Variants in CSMD1 observed in about 807,000 individuals in gnomAD.
CSMD1 encodes CUB and Sushi multiple domains 1.
A neutral mutation model predicts 417.5 loss-of-function variants in CSMD1; 213 were observed. The ratio of observed to expected loss-of-function variants is 0.51; its 90% CI spans 0.46 to 0.57. The LOEUF (loss-of-function observed/expected upper bound fraction) is 0.57. Among genes scored for constraint, CSMD1 ranks in the 20% least tolerant of loss-of-function variants. CSMD1 has a pLI of 0.00. For synonymous variants in CSMD1, 2,862 were observed against 1,736.8 expected, an observed-to-expected ratio of 1.65 and a Z score of -16.11; for missense variants, 6,923 against 4,529.7, an observed-to-expected ratio of 1.53 and a Z score of -15.17.
chr8:4,320,673 C>CA (rs1247244760), intron 3 of CSMD1, among the ~76,000 whole-genome samples: 1 of 152,114 alleles, frequency 6.6e-6, no homozygotes, highest in Non-Finnish European at 1.5e-5. Context: ...CGATGTCCTG[C>CA]AAAGGACATG....
intron 10 of CSMD1, among the ~76,000 whole-genome samples, chr8:3,507,034 G>T (rs991420945): frequency 1.3e-5 from 2 of 152,004 alleles, no homozygotes; most frequent in African/African-American, 2.4e-5. Flanking sequence ...TTGAACAAAC[G>T]TATATACCAA....
At chr8:4,140,870 G>A (rs917947061) in intron 3 of CSMD1, among the ~76,000 whole-genome samples, 1 of 151,022 alleles carries the variant, frequency 6.6e-6, no homozygotes, top group Admixed American at 6.6e-5. Flanking sequence ...AGGGCATTTG[G>A]GAGATTGCTG....
intron 1 of CSMD1, among the ~76,000 whole-genome samples, chr8:4,757,600 C>T (rs1189240411): frequency 6.6e-6 from 1 of 152,190 alleles, no homozygotes; most frequent in African/African-American, 2.4e-5. Flanking sequence ...GGAGACATAT[C>T]TCTACCAAGT....
At chr8:3,156,434 C>G (rs966969125) in intron 39 of CSMD1, among the ~76,000 whole-genome samples, 6 of 152,136 alleles carry the variant, frequency 3.9e-5, no homozygotes, top group African/African-American at 1.4e-4. Flanking sequence ...TATTGCAAGT[C>G]TCTGTCACCA....
intron 7 of CSMD1, among the ~76,000 whole-genome samples, chr8:3,703,820 C>T (rs1360764704): frequency 5.3e-5 from 8 of 152,246 alleles, no homozygotes; most frequent in Non-Finnish European, 1.0e-4. Context: ...ACTGTAATCC[C>T]AGCACTTAAG....
chr8:3,729,255 C>T (rs112531814), intron 6 of CSMD1, among the ~76,000 whole-genome samples: 7 of 152,274 alleles, frequency 4.6e-5, no homozygotes, highest in East Asian at 1.9e-4. Flanking sequence ...TAATGACTGA[C>T]GGCTTGCTAC....
intron 3 of CSMD1, among the ~76,000 whole-genome samples, chr8:4,376,211 T>G (rs1359520691): frequency 1.3e-5 from 2 of 152,232 alleles, no homozygotes; most frequent in East Asian, 3.8e-4. Context: ...GCTCTGTTTG[T>G]CAATAATCGT....
intron 1 of CSMD1, among the ~76,000 whole-genome samples, chr8:4,646,400 G>A (rs1803516790): frequency 6.6e-6 from 1 of 152,110 alleles, no homozygotes; most frequent in African/African-American, 2.4e-5. Flanking sequence ...GAAGCCAGAA[G>A]CTCCAGTGTC....
chr8:3,224,916 G>T (rs558731615), intron 27 of CSMD1, among the ~76,000 whole-genome samples: 5 of 152,154 alleles, frequency 3.3e-5, no homozygotes, highest in Non-Finnish European at 5.9e-5. Flanking sequence ...GAGTTTAAAA[G>T]TTGTTTATAT....
chr8:4,583,385 A>G (rs1227491360), intron 2 of CSMD1, among the ~76,000 whole-genome samples: 1 of 152,098 alleles, frequency 6.6e-6, no homozygotes, highest in Admixed American at 6.5e-5. Context: ...CAAGGTTTGT[A>G]AACACACCAA....
At position 3,123,669 on chromosome 8, in the gene CSMD1, G is replaced by C. The variant is rs75975243; in HGVS notation, c.6242-5082C>G. Reference sequence around the variant, plus strand: ...AGAGGAGGAGAAGCAAATAAAACTAGATTCAATAGAACCTCATCTTCATTA... The same window carrying C: ...AGAGGAGGAGAAGCAAATAAAACTACATTCAATAGAACCTCATCTTCATTA... On this transcript the variant is annotated intron_variant, in intron 41 of 69. Transcript: ENST00000635120. Among the ~76,000 whole-genome samples the C allele has an allele frequency of 7.8e-3, 1,181 of 152,194 alleles. 18 individuals are homozygous for C. The highest frequency in any genetic ancestry group is 0.027 in the African/African-American group (1,120 of 41,484).
At chr8:3,093,972 A>G (rs2129009436) in intron 47 of CSMD1, among the ~76,000 whole-genome samples, 1 of 152,342 alleles carries the variant, frequency 6.6e-6, no homozygotes, top group African/African-American at 2.4e-5. Context: ...TGGCGTTTAA[A>G]AGGATAATGT....
intron 12 of CSMD1, among the ~76,000 whole-genome samples, chr8:3,418,644 C>T (rs912471895): frequency 1.3e-5 from 2 of 152,078 alleles, no homozygotes; most frequent in African/African-American, 4.8e-5. Context: ...TAACCTGCAA[C>T]GTAATGAGAA....
At chr8:4,185,353 C>G (rs1030956385) in intron 3 of CSMD1, among the ~76,000 whole-genome samples, 3 of 152,002 alleles carry the variant, frequency 2.0e-5, no homozygotes, top group African/African-American at 7.3e-5. Context: ...CACAGGTTTA[C>G]TATGAAGATT....
At chr8:4,041,099 C>T (rs1482214642) in intron 3 of CSMD1, among the ~76,000 whole-genome samples, 4 of 145,474 alleles carry the variant, frequency 2.7e-5, no homozygotes, top group African/African-American at 7.7e-5. Context: ...TCACTGCAAG[C>T]TCCGCCTCCC....
At chr8:3,583,327 C>G (rs1203182752) in intron 9 of CSMD1, among the ~76,000 whole-genome samples, 1 of 151,786 alleles carries the variant, frequency 6.6e-6, no homozygotes, top group Non-Finnish European at 1.5e-5. Context: ...GGTTGTGGGT[C>G]AGAGCTGCAT....
At chr8:4,114,086 T>G (rs1802004899) in intron 3 of CSMD1, among the ~76,000 whole-genome samples, 1 of 152,150 alleles carries the variant, frequency 6.6e-6, no homozygotes, top group African/African-American at 2.4e-5. Flanking sequence ...CAAAACAGCC[T>G]TATGTAGGAA....
chr8:2,949,469 A>G (rs1201190798), intron 67 of CSMD1, 83 bp from the exon 68 acceptor site: 5 of 670,894 alleles, frequency 7.5e-6, no homozygotes, highest in African/African-American at 7.4e-5. Flanking sequence ...ATCTTTTAAT[A>G]CAACTGTTAT....
At position 3,052,667 on chromosome 8, in the gene CSMD1, A is replaced by G; in HGVS notation, c.7475-20T>C. ...ACACAGCTGAAAAGAAATGAAACAA[A>G]TGTAGGCTTATTCTTACAGAAATTA... On this transcript the variant is annotated intron_variant, in intron 49 of 69. Transcript: ENST00000635120. 6 of 1,531,598 alleles carry G rather than the reference A, an allele frequency of 3.9e-6. No homozygotes were observed. The highest frequency in any genetic ancestry group is 5.3e-6 in the Non-Finnish European group (6 of 1,133,468). 94.9% of individuals were successfully genotyped at this position (1,531,598 alleles called of 1,614,324 possible).
Sources: allele counts gnomAD v4.1 joint callset (sites outside exome capture counted in the v4.1 genomes callset), GRCh38; gene constraint gnomAD v4.1.1; transcripts MANE v1.5; gene names NCBI Gene and HGNC (gene_info 2026-07-23, HGNC 2026-07-21).